The following SLC27A2 variants were observed in gnomAD, a reference collection of about 807,000 sequenced individuals.
SLC27A2 encodes the protein solute carrier family 27 member 2, also known as long-chain fatty acid transport protein 2.
In SLC27A2, 54 loss-of-function variants were observed where a neutral mutation model predicts 60.0. That is an observed-to-expected ratio of 0.90 (90% CI 0.72 to 1.13). The LOEUF is 1.13. Among genes scored for constraint, SLC27A2 ranks in the 50% most tolerant of loss-of-function variants. The pLI is 0.00. For missense variants in SLC27A2, 739 were observed against 777.6 expected (o/e 0.95, Z 0.59); for synonymous variants, 297 against 297.6 (o/e 1.00, Z 0.02).
intron 9 of SLC27A2, among the ~76,000 whole-genome samples, chr15:50,234,551 C>A (rs1428898660): frequency 1.4e-5 from 2 of 145,820 alleles, no homozygotes; most frequent in Non-Finnish European, 3.0e-5. Flanking sequence ...CACGCCACTG[C>A]ACTCCAGCCT....
At chr15:50,217,593 C>G (rs1381752502) in intron 4 of SLC27A2, among the ~76,000 whole-genome samples, 1 of 152,140 alleles carries the variant, frequency 6.6e-6, no homozygotes, top group East Asian at 1.9e-4. Context: ...CCTCGTCAAC[C>G]AGCAGTGCAG....
intron 4 of SLC27A2, among the ~76,000 whole-genome samples, chr15:50,209,459 G>A (rs2045137949): frequency 1.3e-5 from 2 of 152,114 alleles, no homozygotes. Flanking sequence ...GAAAAGAAGG[G>A]CTTCTGGCTA....
chr15:50,233,811 T>C, intron 8 of SLC27A2, 57 bp from the exon 9 acceptor site: 1 of 1,409,786 alleles, frequency 7.1e-7, no homozygotes, highest in Non-Finnish European at 9.6e-7. Context: ...TTCTTTGAAC[T>C]AATAAAGCAT....
chr15:50,200,765 C>A (rs756162326), intron 2 of SLC27A2, among the ~76,000 whole-genome samples: 37 of 151,528 alleles, frequency 2.4e-4, no homozygotes, highest in Non-Finnish European at 2.9e-5. Flanking sequence ...TTACAAAAAA[C>A]GTATATAAAT....
chr15:50,216,634 A>AT (rs1322377462), intron 4 of SLC27A2, among the ~76,000 whole-genome samples: 1 of 130,258 alleles, frequency 7.7e-6, no homozygotes, highest in African/African-American at 2.8e-5. Context: ...ATATATATAT[A>AT]TATATATATA....
intron 1 of SLC27A2, among the ~76,000 whole-genome samples, chr15:50,184,006 T>TTTTTTTTTTTTTTTTTTTTTTTC: frequency 7.1e-6 from 1 of 141,608 alleles, no homozygotes; most frequent in South Asian, 2.4e-4. Flanking sequence ...TTTTTTTTTT[T>TTTTTTTTTTTTTTTTTTTTTTTC]TTTTTTGACA....
At chr15:50,212,071 A>AG (rs2045161571) in intron 4 of SLC27A2, among the ~76,000 whole-genome samples, 1 of 87,570 alleles carries the variant, frequency 1.1e-5, no homozygotes, top group South Asian at 4.1e-4. Context: ...ACTCTGTCTC[A>AG]AAAAAAAAAA....
chr15:50,225,839 C>G (rs1246136343), intron 5 of SLC27A2, 149 bp from the exon 6 acceptor site: 4 of 487,968 alleles, frequency 8.2e-6, no homozygotes, highest in East Asian at 3.0e-5. Context: ...AAAGTTTTCT[C>G]TGTCTCTCTC....
At chr15:50,220,668 G>A (rs2045235702) in intron 4 of SLC27A2, among the ~76,000 whole-genome samples, 1 of 152,328 alleles carries the variant, frequency 6.6e-6, no homozygotes, top group Middle Eastern at 3.4e-3. Flanking sequence ...GGCAGTGGGA[G>A]GGGGTGGTCT....
Position 50,236,254 on chromosome 15 carries a change from T to A in SLC27A2, c.*158T>A, listed in dbSNP as rs762999522. Reference sequence around the variant, plus strand: ...CTTTTTTAAATAACAGTTGAGTCTTTGCAAGTAAAAAGATTTAGAGATTAT... The same window carrying A: ...CTTTTTTAAATAACAGTTGAGTCTTAGCAAGTAAAAAGATTTAGAGATTAT... On this transcript the variant is annotated 3_prime_UTR_variant, in exon 10 of 10. Transcript: ENST00000267842. 3 of 512,718 alleles carry A rather than the reference T, an allele frequency of 5.9e-6. No individual in the cohort carries two copies. Among genetic ancestry groups the A allele is most frequent in the Non-Finnish European group, 9.9e-6 (3 of 302,110 alleles). 31.8% of individuals were successfully genotyped at this position (512,718 alleles called of 1,614,324 possible). A position where few individuals can be genotyped will look rare whatever the true frequency, so the allele number is the denominator to read the frequency against.
chr15:50,186,714 G>A lies in SLC27A2; in HGVS notation c.478+3809G>A, dbSNP rs191946082. Among the ~76,000 whole-genome samples the A allele has an allele frequency of 1.6e-3, 247 of 152,364 alleles. 1 individual carries two copies. Among genetic ancestry groups the A allele is most frequent in the African/African-American group, 5.6e-3 (234 of 41,586 alleles). On this transcript the variant is annotated intron_variant, in intron 1 of 9. Transcript: ENST00000267842. The stretch of plus-strand genomic sequence containing the variant: ...GTCCTCCCAAAGTGCTGGGATTAGA[G>A]GCGTGAGCCACTGCTACTGGCCTTC...
intron 3 of SLC27A2, among the ~76,000 whole-genome samples, chr15:50,204,908 G>GTA (rs1205768616): frequency 6.8e-6 from 1 of 146,168 alleles, no homozygotes; most frequent in African/African-American, 2.5e-5. Flanking sequence ...CATATATTTA[G>GTA]TATATATATA....
chr15:50,212,698 A>C (rs2045167283), intron 4 of SLC27A2, among the ~76,000 whole-genome samples: 1 of 152,264 alleles, frequency 6.6e-6, no homozygotes, highest in South Asian at 2.1e-4. Context: ...TAAGCATCAT[A>C]TATGAAGAAA....
chr15:50,201,581 AGTCT>A (rs1216674805), intron 2 of SLC27A2, among the ~76,000 whole-genome samples: 1 of 150,624 alleles, frequency 6.6e-6, no homozygotes, highest in African/African-American at 2.4e-5. Context: ...TTTGAGATGG[AGTCT>A]TGCTCTGTCA....
chr15:50,202,532 G>C lies in SLC27A2; in HGVS notation c.734G>C (p.Gly245Ala). ...AMITHQRIWYGTGLTFVSGLK... is the reference protein window; with the variant it reads ...AMITHQRIWYATGLTFVSGLK... ...ATCACTCATCAGCGCATATGGTATG[G>C]AACTGGCCTCACTTTTGTAAGCGGA... Residue 245 changes from glycine to alanine, a missense_variant, in exon 3 of 10, where the codon GGA becomes GCA. By Grantham distance (60) the Gly-to-Ala change is moderately conservative (BLOSUM62 0). Transcript: ENST00000267842. 6.2e-7 allele frequency: 1 copy of C among 1,614,162 alleles called. No individual in the cohort carries two copies. The highest frequency in any genetic ancestry group is 8.5e-7 in the Non-Finnish European group (1 of 1,180,010).
intron 4 of SLC27A2, among the ~76,000 whole-genome samples, chr15:50,212,585 G>T (rs1046646282): frequency 6.6e-6 from 1 of 152,218 alleles, no homozygotes; most frequent in Non-Finnish European, 1.5e-5. Context: ...TAGATTAACA[G>T]ATTTCTCAGC....
chr15:50,227,764 C>T (rs2045288071), intron 7 of SLC27A2, among the ~76,000 whole-genome samples: 2 of 152,276 alleles, frequency 1.3e-5, no homozygotes, highest in African/African-American at 4.8e-5. Flanking sequence ...GAGGGCAGGC[C>T]CTGTGTCTGC....
intron 4 of SLC27A2, among the ~76,000 whole-genome samples, chr15:50,208,194 G>A (rs2045127994): frequency 6.6e-6 from 1 of 152,180 alleles, no homozygotes; most frequent in South Asian, 2.1e-4. Context: ...AGAATCTGGG[G>A]CCAGTGTTGG....
intron 4 of SLC27A2, among the ~76,000 whole-genome samples, chr15:50,210,723 G>A (rs765103327): frequency 2.6e-5 from 4 of 152,216 alleles, no homozygotes; most frequent in Non-Finnish European, 5.9e-5. Context: ...ACAGCTGGGA[G>A]GCAGAAAGCC....
Sources: gnomAD v4.1 joint callset for allele counts (sites outside exome capture counted in the v4.1 genomes callset) on GRCh38, gnomAD v4.1.1 for gene constraint, MANE v1.5 for transcripts, NCBI Gene and HGNC (gene_info 2026-07-23, HGNC 2026-07-21) for gene names.